The following STPG2 variants were observed in gnomAD, a reference collection of about 807,000 sequenced individuals.
STPG2 encodes the protein sperm-tail PG-rich repeat-containing protein 2.
In STPG2, 56 loss-of-function variants were observed where a neutral mutation model predicts 54.2. That is an observed-to-expected ratio of 1.03 (90% confidence interval 0.83 to 1.29). The LOEUF (loss-of-function observed/expected upper bound fraction) is 1.29. Among genes scored for constraint, STPG2 ranks in the 50% most tolerant of loss-of-function variants. The pLI is 0.00. For missense variants in STPG2, 596 were observed against 544.9 expected, an observed-to-expected ratio of 1.09 and a Z score of -0.93; for synonymous variants, 200 against 181.8, an observed-to-expected ratio of 1.10 and a Z score of -0.81.
intron 5 of STPG2, among the ~76,000 whole-genome samples, chr4:98,071,372 A>G (rs1001089277): frequency 6.6e-6 from 1 of 152,230 alleles, no homozygotes; most frequent in African/African-American, 2.4e-5. Flanking sequence ...CATACGCAGA[A>G]AATTGAAACT....
chr4:97,559,686 C>T (rs1732173980), intron 10 of STPG2, among the ~76,000 whole-genome samples: 1 of 152,130 alleles, frequency 6.6e-6, no homozygotes, highest in Admixed American at 6.6e-5. Flanking sequence ...GCACTGATTA[C>T]TACAGTATAT....
chr4:97,987,940 G>A (rs1379515128), intron 5 of STPG2, among the ~76,000 whole-genome samples: 5 of 151,630 alleles, frequency 3.3e-5, no homozygotes. Flanking sequence ...CACAATCCGA[G>A]TCAGATTGTA....
intron 8 of STPG2, among the ~76,000 whole-genome samples, chr4:97,876,992 T>G (rs532593195): frequency 1.8e-4 from 27 of 152,286 alleles, no homozygotes; most frequent in African/African-American, 5.8e-4. Flanking sequence ...TATGTATATT[T>G]ATGGGGTACA....
Position 98,046,762 on chromosome 4 carries a change from T to C in STPG2, c.612+59191A>G, listed in dbSNP as rs1461175819. On this transcript the variant is annotated intron_variant, in intron 5 of 10. Transcript: ENST00000295268. ...GAGGATCAGTGGCAAACATCTCCAC[T>C]CTCATTCAGACCACACACTCTTTAA... Among the ~76,000 whole-genome samples, 4 of 152,106 alleles carry C rather than the reference T, an allele frequency of 2.6e-5. No individual in the cohort carries two copies. The East Asian group carries it at 7.7e-4, about 29-fold the overall frequency.
intron 7 of STPG2, among the ~76,000 whole-genome samples, chr4:97,969,679 T>A (rs1734252193): frequency 6.6e-6 from 1 of 152,134 alleles, no homozygotes; most frequent in Admixed American, 6.5e-5. Flanking sequence ...ATAAAAGCTA[T>A]CTATGACAAA....
At chr4:97,815,221 G>A (rs969321555) in intron 9 of STPG2, among the ~76,000 whole-genome samples, 11 of 151,902 alleles carry the variant, frequency 7.2e-5, no homozygotes, top group African/African-American at 1.9e-4. Flanking sequence ...AACATTTACC[G>A]GTGTGTGTGT....
At chr4:97,776,751 C>T (rs1726390309) in intron 9 of STPG2, among the ~76,000 whole-genome samples, 1 of 152,140 alleles carries the variant, frequency 6.6e-6, no homozygotes, top group African/African-American at 2.4e-5. Flanking sequence ...CTACTATGTA[C>T]TTTAATAAAA....
chr4:97,578,131 C>T (rs775741968), intron 10 of STPG2, among the ~76,000 whole-genome samples: 23 of 135,558 alleles, frequency 1.7e-4, no homozygotes, highest in Non-Finnish European at 3.1e-4. Flanking sequence ...GAGATGGAGT[C>T]TCTTATGCTG....
chr4:97,747,332 C>A (rs1010437171), intron 9 of STPG2, among the ~76,000 whole-genome samples: 1 of 151,354 alleles, frequency 6.6e-6, no homozygotes, highest in Non-Finnish European at 1.5e-5. Flanking sequence ...CAACTTCTCT[C>A]AGGTCTCACA....
intron 10 of STPG2, among the ~76,000 whole-genome samples, chr4:97,655,394 T>G (rs1392671640): frequency 1.3e-5 from 2 of 152,130 alleles, no homozygotes; most frequent in Non-Finnish European, 2.9e-5. Flanking sequence ...GATCTACTTA[T>G]GTATATTTTG....
intron 5 of STPG2, among the ~76,000 whole-genome samples, chr4:98,004,730 T>C (rs1560631360): frequency 6.6e-6 from 1 of 152,192 alleles, no homozygotes; most frequent in South Asian, 2.1e-4. Flanking sequence ...TCCATGTCAC[T>C]GATGATTAGT....
chr4:97,544,954 G>A (rs956128422), intron 4 of STPG2, among the ~76,000 whole-genome samples: 1 of 152,082 alleles, frequency 6.6e-6, no homozygotes, highest in African/African-American at 2.4e-5. Context: ...TGACATAAGT[G>A]ATTGTTTTCT....
intron 10 of STPG2, among the ~76,000 whole-genome samples, chr4:97,709,656 T>A (rs954139144): frequency 2.0e-5 from 3 of 151,806 alleles, no homozygotes; most frequent in Non-Finnish European, 4.4e-5. Context: ...AGTCACTGTA[T>A]AATTTAAATT....
At chr4:97,893,595 C>T (rs935131265) in intron 8 of STPG2, among the ~76,000 whole-genome samples, 3 of 151,920 alleles carry the variant, frequency 2.0e-5, no homozygotes, top group East Asian at 3.9e-4. Context: ...ATCATCCCCT[C>T]AATTTTCAAG....
chr4:98,002,165 A>G (rs1379177173), intron 5 of STPG2, among the ~76,000 whole-genome samples: 1 of 152,074 alleles, frequency 6.6e-6, no homozygotes, highest in African/African-American at 2.4e-5. Flanking sequence ...TGATCTTTAC[A>G]CACACTAATA....
intron 7 of STPG2, among the ~76,000 whole-genome samples, chr4:97,962,202 CA>C (rs1733913595): frequency 6.6e-6 from 1 of 152,004 alleles, no homozygotes; most frequent in African/African-American, 2.4e-5. Context: ...TTTGAAGACT[CA>C]GGGGGAATGG....
rs1271803372 is a variant in STPG2, at chr4:97,952,448, T to A, written c.934-8441A>T. Among the ~76,000 whole-genome samples the A allele has an allele frequency of 2.0e-5, 3 of 152,130 alleles. No homozygotes were observed. The East Asian group carries it at 5.8e-4, about 29-fold the overall frequency. On this transcript the variant is annotated intron_variant, in intron 7 of 10. Coordinates refer to ENST00000295268, the MANE Select transcript of STPG2 (RefSeq NM_174952.3). ...ACTCAAGGCCTGCCAGCTGGATTCT[T>A]TTGTCCCATGGAGCGTCCCCTTAAT... is the stretch of plus-strand genomic sequence containing the variant.
At chr4:97,602,613 T>C (rs1733493741) in intron 10 of STPG2, among the ~76,000 whole-genome samples, 1 of 151,920 alleles carries the variant, frequency 6.6e-6, no homozygotes, top group Non-Finnish European at 1.5e-5. Flanking sequence ...ACTGATTTCC[T>C]AGGAATTTTT....
chr4:97,635,841 C>G (rs1021047996), intron 10 of STPG2, among the ~76,000 whole-genome samples: 1 of 151,788 alleles, frequency 6.6e-6, no homozygotes, highest in South Asian at 2.1e-4. Context: ...ATTCATACGG[C>G]AAGTCCTGAG....
Sources: gnomAD v4.1 joint callset for allele counts (sites outside exome capture counted in the v4.1 genomes callset) on GRCh38, gnomAD v4.1.1 for gene constraint, MANE v1.5 for transcripts, NCBI Gene and HGNC (gene_info 2026-07-23, HGNC 2026-07-21) for gene names.